The following NPHP4 variants were observed in gnomAD, a reference collection of about 807,000 sequenced individuals.
NPHP4 encodes nephrocystin-4.
A neutral mutation model predicts 155.8 loss-of-function variants in NPHP4; 151 were observed. The observed-to-expected ratio is 0.97, with a 90% CI of 0.85 to 1.11. NPHP4 has a LOEUF of 1.11. Among genes scored for constraint, NPHP4 ranks in the 50% least tolerant of loss-of-function variants. The pLI is 0.00. For synonymous variants in NPHP4, 845 were observed against 816.8 expected (o/e 1.03, Z -0.59); for missense variants, 1,956 against 1,925.7 (o/e 1.02, Z -0.29).
rs59454663 is a variant in NPHP4 at position 5,902,680 on chromosome 1, A to C, written c.2143+1937T>G. ...AGTTGAACAATTAAAACAATATCTTAAAGAGTACCTTTCTTCTTCACCAAC... is the reference window on the plus strand; with the variant it reads ...AGTTGAACAATTAAAACAATATCTTCAAGAGTACCTTTCTTCTTCACCAAC... On this transcript the variant is annotated intron_variant, in intron 16 of 29. Coordinates refer to ENST00000378156, the MANE Select transcript of NPHP4 (RefSeq NM_015102.5). Among the ~76,000 whole-genome samples the C allele has an allele frequency of 8.2e-3, 1,255 of 152,306 alleles. 16 individuals are homozygous for C. Among genetic ancestry groups the C allele is most frequent in the African/African-American group, 0.028 (1,164 of 41,564 alleles).
chr1:5,984,115 G>A lies in NPHP4; in HGVS notation c.135+2040C>T, dbSNP rs138361156. ...AAAAGTCTAAATGTTCATCAATCACGGCCTCACTCAATAAATGATGGCTCA... is the reference window on the plus strand; with the variant it reads ...AAAAGTCTAAATGTTCATCAATCACAGCCTCACTCAATAAATGATGGCTCA... On this transcript the variant is annotated intron_variant, in intron 2 of 29. Coordinates refer to ENST00000378156, the MANE Select transcript of NPHP4 (RefSeq NM_015102.5). Among the ~76,000 whole-genome samples, 107 of 152,140 alleles carry A rather than the reference G, an allele frequency of 7.0e-4. 2 individuals carry two copies. The East Asian group carries it at 0.015, about 22-fold the overall frequency.
chr1:5,967,777 G>A (rs116087594), intron 4 of NPHP4, among the ~76,000 whole-genome samples: 1,852 of 152,148 alleles, frequency 0.012, 43 homozygotes, highest in African/African-American at 0.043. Flanking sequence ...TCACAACAGG[G>A]CCAGGGAGCA....
intron 19 of NPHP4, among the ~76,000 whole-genome samples, chr1:5,878,063 C>T (rs957721353): frequency 1.3e-4 from 20 of 152,204 alleles, no homozygotes; most frequent in Admixed American, 5.2e-4. Context: ...TCGCTCAGCC[C>T]GGCACAGGCA....
At chr1:5,974,405 C>T (rs955254192) in intron 3 of NPHP4, among the ~76,000 whole-genome samples, 4 of 152,170 alleles carry the variant, frequency 2.6e-5, no homozygotes, top group Admixed American at 6.5e-5. Flanking sequence ...CACACTACAC[C>T]GGCCACACAC....
intron 20 of NPHP4, 90 bp downstream of exon 20, chr1:5,877,003 G>T: frequency 1.1e-6 from 1 of 911,522 alleles, no homozygotes; most frequent in Non-Finnish European, 1.5e-6. Context: ...GAAGGTAAGA[G>T]AGAATCATGT....
At chr1:5,893,559 G>T (rs927440641) in intron 16 of NPHP4, among the ~76,000 whole-genome samples, 1 of 152,206 alleles carries the variant, frequency 6.6e-6, no homozygotes, top group East Asian at 1.9e-4. Context: ...CTATCTAGAA[G>T]GCAGAGCCAG....
In NPHP4 at chr1:5,890,545, C is replaced by T. The variant is rs992919427; in HGVS notation, c.2304+323G>A. ...TCATCCTCAACCCACCTCGGATGCA[C>T]CTGCCCTCACCACATTCACCACATG... On this transcript the variant is annotated intron_variant, in intron 17 of 29. Coordinates refer to ENST00000378156, the MANE Select transcript of NPHP4 (RefSeq NM_015102.5). The surrounding 1 kb of genome is among the most constrained non-coding windows in gnomAD (Gnocchi z 4.9). 3.9e-5 allele frequency among the ~76,000 whole-genome samples: 6 copies of T among 152,158 alleles called. No homozygotes were observed. Among genetic ancestry groups the T allele is most frequent in the African/African-American group, 1.4e-4 (6 of 41,436 alleles).
intron 18 of NPHP4, among the ~76,000 whole-genome samples, chr1:5,883,286 A>G (rs1274249292): frequency 6.6e-6 from 1 of 151,488 alleles, no homozygotes; most frequent in African/African-American, 2.4e-5. Context: ...TGCCCTCCAC[A>G]TGACGAGGAG....
chr1:5,962,972 C>T (rs1342883076), intron 5 of NPHP4, among the ~76,000 whole-genome samples: 4 of 152,224 alleles, frequency 2.6e-5, no homozygotes, highest in Non-Finnish European at 5.9e-5. Flanking sequence ...AGGCACAGGG[C>T]ATGCACGTGG....
chr1:5,950,261 A>G (rs1223487407), intron 7 of NPHP4, among the ~76,000 whole-genome samples: 1 of 152,214 alleles, frequency 6.6e-6, no homozygotes, highest in African/African-American at 2.4e-5. Flanking sequence ...CCTAAGGAGC[A>G]AAATATGCCA....
intron 17 of NPHP4, among the ~76,000 whole-genome samples, chr1:5,887,815 A>C (rs1168817316): frequency 2.6e-5 from 4 of 152,254 alleles, no homozygotes; most frequent in African/African-American, 9.6e-5. Flanking sequence ...AGCAGGAAAG[A>C]GGGCAGCCAA....
chr1:5,867,821 C>G lies in NPHP4; in HGVS notation c.3391G>C (p.Asp1131His), dbSNP rs1283381764. The G allele has an allele frequency of 1.2e-6, 2 of 1,613,648 alleles. No individual in the cohort carries two copies. Among genetic ancestry groups the G allele is most frequent in the Non-Finnish European group, 1.7e-6 (2 of 1,179,862 alleles). The stretch of plus-strand genomic sequence containing the variant: ...GGGTGATAGAAGCGGAAGACCTGGT[C>G]CACCACGTGGGGCTGCAGCTCCACA... ...LTVELQPHVVDQVFRFYHPEL... is the reference protein window; with the variant it reads ...LTVELQPHVVHQVFRFYHPEL... Residue 1131 changes from aspartate to histidine, a missense_variant, in exon 24 of 30, where the codon GAC becomes CAC. Asp to His is a moderately conservative substitution (Grantham distance 81). Transcript: ENST00000378156. The surrounding 1 kb of genome is among the most constrained non-coding windows in gnomAD (Gnocchi z 4.1).
At chr1:5,968,754 C>T (rs562636147) in intron 4 of NPHP4, among the ~76,000 whole-genome samples, 4 of 152,156 alleles carry the variant, frequency 2.6e-5, no homozygotes, top group East Asian at 1.9e-4. Flanking sequence ...TCTGGCCAGG[C>T]GCAAAACCCC....
intron 11 of NPHP4, among the ~76,000 whole-genome samples, chr1:5,919,527 A>T (rs1645631843): frequency 6.6e-6 from 1 of 151,774 alleles, no homozygotes; most frequent in Admixed American, 6.6e-5. Flanking sequence ...CACATCACAG[A>T]CTCTCCGCAA....
intron 9 of NPHP4, among the ~76,000 whole-genome samples, chr1:5,943,937 G>A (rs904561630): frequency 2.6e-5 from 4 of 152,152 alleles, no homozygotes; most frequent in African/African-American, 4.8e-5. Context: ...AGAAAGAGAT[G>A]AGACATGAGC....
chr1:5,895,351 T>C (rs1335114926), intron 16 of NPHP4, among the ~76,000 whole-genome samples: 1 of 151,264 alleles, frequency 6.6e-6, no homozygotes, highest in African/African-American at 2.4e-5. Context: ...AATACAAAAA[T>C]TAGCTGGGCA....
chr1:5,939,190 T>A (rs578051115), intron 9 of NPHP4, among the ~76,000 whole-genome samples: 140 of 152,174 alleles, frequency 9.2e-4, no homozygotes, highest in Non-Finnish European at 1.6e-3. Context: ...TTCTACTGAG[T>A]GCAGTAATTA....
chr1:5,918,416 T>C (rs948286867), intron 11 of NPHP4, among the ~76,000 whole-genome samples: 9 of 152,140 alleles, frequency 5.9e-5, no homozygotes, highest in East Asian at 5.8e-4. Flanking sequence ...TGGAAGAAAA[T>C]TGCAGAATCT....
chr1:5,926,145 T>C (rs998516296), intron 11 of NPHP4, among the ~76,000 whole-genome samples: 3 of 152,204 alleles, frequency 2.0e-5, no homozygotes, highest in Admixed American at 6.5e-5. Flanking sequence ...ATTATTAATG[T>C]ACACACTGGT....
Sources: allele counts gnomAD v4.1 joint callset (sites outside exome capture counted in the v4.1 genomes callset), GRCh38; gene constraint gnomAD v4.1.1; non-coding constraint Gnocchi (gnomAD v3.1); transcripts MANE v1.5; gene names NCBI Gene and HGNC (gene_info 2026-07-23, HGNC 2026-07-21).